Variants in LRIG1 observed in about 807,000 individuals in gnomAD.
LRIG1 encodes leucine rich repeats and immunoglobulin like domains 1.
In LRIG1, 48 loss-of-function variants were observed where a neutral mutation model predicts 99.2. The observed-to-expected ratio is 0.48, with a 90% CI of 0.38 to 0.62. The LOEUF is 0.62. Ranked by LOEUF, LRIG1 falls within the 20% of genes least tolerant of loss-of-function variation. The probability of loss-of-function intolerance (pLI) is 0.00; values close to 1 mark genes in which losing one functional copy is unlikely to be tolerated. For missense variants in LRIG1, 1,646 were observed against 1,434.4 expected (o/e 1.15, Z -2.38); for synonymous variants, 772 against 596.1 (o/e 1.29, Z -4.30).
chr3:66,410,095 A>C (rs1306767137), intron 7 of LRIG1, 34 bp downstream of exon 7: 2 of 1,581,954 alleles, frequency 1.3e-6, no homozygotes, highest in Admixed American at 1.8e-5. Context: ...AGTGTCTAAA[A>C]ACACTGCCAC....
chr3:66,485,790 T>C (rs1431566443), intron 1 of LRIG1, among the ~76,000 whole-genome samples: 2 of 151,980 alleles, frequency 1.3e-5, no homozygotes, highest in African/African-American at 2.4e-5. Context: ...AAACCAAAAA[T>C]GGATCTGACA....
At chr3:66,472,021 C>T (rs1460726572) in intron 1 of LRIG1, among the ~76,000 whole-genome samples, 1 of 151,962 alleles carries the variant, frequency 6.6e-6, no homozygotes, top group Non-Finnish European at 1.5e-5. Flanking sequence ...TCACTAACTT[C>T]GGGCCAGGCG....
At chr3:66,441,073 GA>G (rs1013353560) in intron 3 of LRIG1, among the ~76,000 whole-genome samples, 4 of 151,982 alleles carry the variant, frequency 2.6e-5, no homozygotes, top group Admixed American at 1.3e-4. Flanking sequence ...TGTCCCCGAG[GA>G]AAAAAAGTAT....
At chr3:66,438,259 G>A (rs149955303) in intron 3 of LRIG1, among the ~76,000 whole-genome samples, 1 of 152,138 alleles carries the variant, frequency 6.6e-6, no homozygotes, top group African/African-American at 2.4e-5. Context: ...CAGCTCAGCC[G>A]GCCTTCTCCA....
chr3:66,429,934 A>C (rs180697323), intron 3 of LRIG1, among the ~76,000 whole-genome samples: 3 of 151,462 alleles, frequency 2.0e-5, no homozygotes, highest in South Asian at 2.1e-4. Flanking sequence ...AAAACCTCCT[A>C]AAGTATTAAG....
chr3:66,381,519 C>A lies in LRIG1; in HGVS notation c.2730G>T (p.Ala910=), dbSNP rs13094825. Residue 910 remains alanine (A), a synonymous_variant, in exon 17 of 19, where the codon GCG becomes GCT. Transcript: ENST00000273261. The part of the protein sequence containing the change: ...GSAYHKEPWK[A]MEKAEGTPGP... ...CAGGTGTCCCTTCAGCTTTCTCCAT[C>A]GCTTTCCACGGCTCTTTGTGATACG... 1.9e-6 allele frequency: 3 copies of A among 1,613,942 alleles called. No homozygotes were observed. The highest frequency in any genetic ancestry group is 1.1e-5 in the South Asian group (1 of 91,070).
intron 1 of LRIG1, among the ~76,000 whole-genome samples, chr3:66,483,750 G>A (rs1700903701): frequency 6.6e-6 from 1 of 152,218 alleles, no homozygotes. Context: ...CCAAAACGCG[G>A]CTCCAGCAAA....
chr3:66,410,810 G>T lies in LRIG1; in HGVS notation c.792-538C>A, dbSNP rs756811568. Reference sequence around the variant, plus strand: ...TTATCACCCGCATCTCACACATGAGGAATGTGCTGCTGAGAGAAGCCAGGT... The same window carrying T: ...TTATCACCCGCATCTCACACATGAGTAATGTGCTGCTGAGAGAAGCCAGGT... On this transcript the variant is annotated intron_variant, in intron 6 of 18. Transcript: ENST00000273261. 1.3e-3 allele frequency among the ~76,000 whole-genome samples: 198 copies of T among 152,326 alleles called. 7 individuals are homozygous for T. The highest frequency in any genetic ancestry group is 3.4e-3 in the Middle Eastern group (1 of 294).
rs1559831784 is a variant in LRIG1 at position 66,500,460 on chromosome 3, C to A, written c.-53G>T. The A allele has an allele frequency of 8.9e-7, 1 of 1,119,830 alleles. No individual in the cohort carries two copies. The highest frequency in any genetic ancestry group is 1.2e-6 in the Non-Finnish European group (1 of 861,302). The allele number at this position is 1,119,830 out of a possible 1,614,324, so 69.4% of individuals were successfully genotyped here. A position where few individuals can be genotyped will look rare whatever the true frequency, so the allele number is the denominator to read the frequency against. On this transcript the variant is annotated 5_prime_UTR_variant, in exon 1 of 19. Transcript: ENST00000273261. ...GGCGCGGGGACTGTGAGGACCCGAA[C>A]GGCCGCAGACGCGGGCGGGCCCGCG... is the stretch of plus-strand genomic sequence containing the variant.
intron 3 of LRIG1, among the ~76,000 whole-genome samples, chr3:66,439,545 C>T (rs1217004366): frequency 6.6e-6 from 1 of 150,948 alleles, no homozygotes; most frequent in Non-Finnish European, 1.5e-5. Flanking sequence ...CCTTCAGTTT[C>T]TATATCATCT....
At position 66,384,038 on chromosome 3, in the gene LRIG1, T is replaced by A. The variant is rs1225886325; in HGVS notation, c.2024A>T (p.Gln675Leu). ...AGCTGAAATAGAACCGGCTGAGTTC[T>A]GAGCAGTACAGCTGTAAACCCCTGC... ...DDAGVYSCTA[Q>L]NSAGSISANA... Residue 675 changes from glutamine to leucine, a missense_variant, in exon 14 of 19, where the codon CAG (glutamine) becomes CTG (leucine). Transcript: ENST00000273261. 6.2e-7 allele frequency: 1 copy of A among 1,613,994 alleles called. No homozygotes were observed. The highest frequency in any genetic ancestry group is 8.5e-7 in the Non-Finnish European group (1 of 1,180,050).
At chr3:66,404,587 C>G (rs914090276) in intron 9 of LRIG1, 1 of 169,248 alleles carries the variant, frequency 5.9e-6, no homozygotes, top group African/African-American at 2.4e-5. Context: ...CCTCACTTCT[C>G]TTTCCTCAAC....
intron 2 of LRIG1, among the ~76,000 whole-genome samples, chr3:66,452,723 A>G (rs991278902): frequency 3.3e-5 from 5 of 152,126 alleles, no homozygotes; most frequent in African/African-American, 1.2e-4. Flanking sequence ...GTTGTCTGCC[A>G]TCTTTTATAG....
At chr3:66,428,289 CCT>C (rs1703047528) in intron 3 of LRIG1, among the ~76,000 whole-genome samples, 1 of 152,128 alleles carries the variant, frequency 6.6e-6, no homozygotes, top group Non-Finnish European at 1.5e-5. Flanking sequence ...CTCCAAGTGC[CCT>C]GTTTCATGCT....
intron 3 of LRIG1, among the ~76,000 whole-genome samples, chr3:66,449,701 G>C (rs553601615): frequency 5.3e-5 from 8 of 152,336 alleles, no homozygotes; most frequent in African/African-American, 1.9e-4. Flanking sequence ...AAAGGCGTTT[G>C]TGTCTGGTCT....
chr3:66,394,185 G>A lies in LRIG1; in HGVS notation c.1323C>T (p.Ser441=). The change falls in exon 12 of 19, where the codon AGC becomes AGT. Residue 441 remains serine, a synonymous_variant. Coordinates refer to ENST00000273261, the MANE Select transcript of LRIG1 (RefSeq NM_015541.3). ...NLKELHISSD[S]FLCDCQLKWL... ...ACTTCAGCTGGCAGTCACACAGGAA[G>A]CTGTCGCTGCTGATATGGCTGAAAG... 2 of 1,600,158 alleles carry A rather than the reference G, an allele frequency of 1.2e-6. No individual in the cohort carries two copies. The highest frequency in any genetic ancestry group is 8.5e-7 in the Non-Finnish European group (1 of 1,173,892).
At chr3:66,431,915 A>G (rs576494115) in intron 3 of LRIG1, among the ~76,000 whole-genome samples, 1 of 152,266 alleles carries the variant, frequency 6.6e-6, no homozygotes, top group East Asian at 1.9e-4. Flanking sequence ...TAGAAGATAC[A>G]CGTAGAAAAA....
intron 12 of LRIG1, chr3:66,386,923 CA>C (rs1053861960): frequency 2.0e-5 from 3 of 152,002 alleles, no homozygotes; most frequent in African/African-American, 7.3e-5. Context: ...TCCCCAGCTC[CA>C]TGGTAGCCTT....
chr3:66,468,460 G>C (rs1256416463), intron 1 of LRIG1, among the ~76,000 whole-genome samples: 1 of 152,184 alleles, frequency 6.6e-6, no homozygotes, highest in Admixed American at 6.5e-5. Context: ...ACTTGGTTTG[G>C]TTTCCAGGCT....
Sources: allele counts gnomAD v4.1 joint callset (sites outside exome capture counted in the v4.1 genomes callset), GRCh38; gene constraint gnomAD v4.1.1; transcripts MANE v1.5; gene names NCBI Gene and HGNC (gene_info 2026-07-23, HGNC 2026-07-21).